The following SLC34A3 variants were observed in gnomAD, a reference collection of about 807,000 sequenced individuals.
SLC34A3 encodes sodium-dependent phosphate transport protein 2C.
A neutral mutation model predicts 43.9 loss-of-function variants in SLC34A3; 60 were observed. That is an observed-to-expected ratio of 1.37 (90% CI 1.11 to 1.70). The LOEUF (loss-of-function observed/expected upper bound fraction) is 1.70. Ranked by LOEUF, SLC34A3 falls within the 40% of genes most tolerant of loss-of-function variation. SLC34A3 has a pLI of 0.00. For missense variants in SLC34A3, 969 were observed against 823.8 expected (o/e 1.18, Z -2.16); for synonymous variants, 451 against 386.2 (o/e 1.17, Z -1.97).
chr9:137,232,329 C>T (rs968244898), intron 3 of SLC34A3, among the ~76,000 whole-genome samples, 168 bp downstream of exon 3: 1 of 152,230 alleles, frequency 6.6e-6, no homozygotes, highest in African/African-American at 2.4e-5. Context: ...TCTGTGCTGT[C>T]CTGGGGCAGA....
intron 7 of SLC34A3, 59 bp from the exon 8 acceptor site, chr9:137,233,574 G>C: frequency 6.3e-7 from 1 of 1,584,114 alleles, no homozygotes; most frequent in Non-Finnish European, 8.7e-7. Flanking sequence ...GGGCGCCAGA[G>C]CCCCGGGTGA....
rs764540658 is a variant in SLC34A3, at chr9:137,233,400, T to C, written c.752T>C (p.Val251Ala). 1.9e-6 allele frequency: 3 copies of C among 1,603,330 alleles called. No individual in the cohort carries two copies. The South Asian group carries it at 3.3e-5, about 18-fold the overall frequency. ...VLTKPLTHLIVQLDSDMIMSS... is the reference protein window; with the variant it reads ...VLTKPLTHLIAQLDSDMIMSS... ...ACGAAGCCGCTCACACACCTCATCGTGCAGGTGAGGACGGCCACCGCCCCC... is the reference window on the plus strand; with the variant it reads ...ACGAAGCCGCTCACACACCTCATCGCGCAGGTGAGGACGGCCACCGCCCCC... Residue 251 changes from valine (V) to alanine (A), a missense_variant, in exon 7 of 13, where the codon GTG (valine) becomes GCG (alanine). By Grantham distance (64) the Val-to-Ala change is moderately conservative. Coordinates refer to ENST00000673835, the MANE Select transcript of SLC34A3 (RefSeq NM_001177316.2).
chr9:137,232,962 G>C (rs576904313), intron 5 of SLC34A3, 35 bp downstream of exon 5: 6 of 1,606,730 alleles, frequency 3.7e-6, no homozygotes, highest in East Asian at 2.2e-5. Flanking sequence ...TGGTGGGGGG[G>C]GCAGGGTGGG....
chr9:137,234,345 C>A lies in SLC34A3; in HGVS notation c.1093+69C>A. 6.2e-7 allele frequency: 1 copy of A among 1,601,068 alleles called. No individual in the cohort carries two copies. The highest frequency in any genetic ancestry group is 8.5e-7 in the Non-Finnish European group (1 of 1,178,418). On this transcript the variant is annotated intron_variant, in intron 10 of 12. Transcript: ENST00000673835. This position sits in a 1 kb window ranked among gnomAD's most constrained non-coding sequence, Gnocchi z 6.9. ...ATCCCCCATAGACTTCCCCTTCCCACCAGGCTGACTCGGGGGCTACCTGGC... is the reference window on the plus strand; with the variant it reads ...ATCCCCCATAGACTTCCCCTTCCCAACAGGCTGACTCGGGGGCTACCTGGC...
intron 1 of SLC34A3, 44 bp from the exon 2 acceptor site, chr9:137,231,620 G>A (rs560270788): frequency 2.4e-5 from 29 of 1,226,786 alleles, no homozygotes; most frequent in Non-Finnish European, 2.5e-5. Flanking sequence ...GGACAGGGCC[G>A]GGGCAGGAGG....
intron 8 of SLC34A3, 57 bp downstream of exon 8, chr9:137,233,779 T>TTGGGGGGGCC: frequency 6.9e-7 from 1 of 1,445,820 alleles, no homozygotes; most frequent in Non-Finnish European, 9.6e-7. Context: ...TGCTGAGTCA[T>TTGGGGGGGCC]CCCGCCCCAC....
At position 137,234,083 on chromosome 9, in the gene SLC34A3, C is replaced by T. The variant is rs1487330747; in HGVS notation, c.926-26C>T. The T allele has an allele frequency of 2.7e-5, 42 of 1,530,848 alleles. No homozygotes were observed. The highest frequency in any genetic ancestry group is 5.8e-5 in the Admixed American group (3 of 51,912). 94.8% of individuals were successfully genotyped at this position (1,530,848 alleles called of 1,614,324 possible). Reference sequence around the variant, plus strand: ...CCCCGGCCCACCCCCCAGGCTCCCCCTCACCTGCCCCTGCCCTGCCCCCAG... The same window carrying T: ...CCCCGGCCCACCCCCCAGGCTCCCCTTCACCTGCCCCTGCCCTGCCCCCAG... On this transcript the variant is annotated intron_variant, in intron 9 of 12. Coordinates refer to ENST00000673835, the MANE Select transcript of SLC34A3 (RefSeq NM_001177316.2). The surrounding 1 kb of genome is among the most constrained non-coding windows in gnomAD (Gnocchi z 6.9).
rs1280076391 is a variant in SLC34A3, at chr9:137,233,095, G to A, written c.540G>A (p.Gly180=). Residue 180 remains glycine (G), a synonymous_variant, in exon 6 of 13, where the codon GGG becomes GGA. Transcript: ENST00000673835. ...TSTLVSMAQS[G]DRDEFQRAFS... ...CCCTGGTCTCAATGGCGCAGTCAGG[G>A]GACCGGGATGAATTTCAGAGGTGAG... The A allele has an allele frequency of 3.1e-6, 5 of 1,610,906 alleles. No homozygotes were observed. Among genetic ancestry groups the A allele is most frequent in the South Asian group, 1.1e-5 (1 of 90,964 alleles).
intron 4 of SLC34A3, 40 bp from the exon 5 acceptor site, chr9:137,232,744 A>T: frequency 6.2e-7 from 1 of 1,612,934 alleles, no homozygotes; most frequent in African/African-American, 1.3e-5. Flanking sequence ...GCGGGCAACC[A>T]GCCCTCCGCA....
intron 3 of SLC34A3, 67 bp from the exon 4 acceptor site, chr9:137,232,508 A>G: frequency 6.3e-7 from 1 of 1,597,478 alleles, no homozygotes; most frequent in Non-Finnish European, 8.5e-7. Flanking sequence ...GCAGAGAATG[A>G]GGGGCCTGGG....
Position 137,234,556 on chromosome 9 carries a change from C to T in SLC34A3, c.1210+24C>T, listed in dbSNP as rs967546654. The T allele has an allele frequency of 7.5e-6, 12 of 1,609,346 alleles. No individual in the cohort carries two copies. The highest frequency in any genetic ancestry group is 1.1e-5 in the South Asian group (1 of 91,020). On this transcript the variant is annotated intron_variant, in intron 11 of 12. Coordinates refer to ENST00000673835, the MANE Select transcript of SLC34A3 (RefSeq NM_001177316.2). This position sits in a 1 kb window ranked among gnomAD's most constrained non-coding sequence, Gnocchi z 6.9. ...GGGTGAGCAGGCAGGACAGAGGCCT[C>T]GGGAACGGGGGCTCGGGCTGGGGTC... is the stretch of plus-strand genomic sequence containing the variant.
chr9:137,236,171 G>C lies in SLC34A3; in HGVS notation c.1555G>C (p.Gly519Arg). ...GGGCATGGAGCTGGCCGCTGTCGGG[G>C]GTCCCCTGGTGGGGCTGGTGCTCCT... Reference protein sequence around the residue: ...AGGMELAAVGGPLVGLVLLVI... With the variant: ...AGGMELAAVGRPLVGLVLLVI... Residue 519 changes from glycine (G) to arginine (R), a missense_variant, in exon 13 of 13, where the codon GGT (glycine) becomes CGT (arginine). Transcript: ENST00000673835. 6.2e-7 allele frequency: 1 copy of C among 1,606,958 alleles called. No individual in the cohort carries two copies. Among genetic ancestry groups the C allele is most frequent in the East Asian group, 2.2e-5 (1 of 44,690 alleles).
chr9:137,232,577 C>A lies in SLC34A3; in HGVS notation c.178C>A (p.Leu60Ile). ...LKDTSQPWKE[L>I]RVAGRLRRVA... The stretch of plus-strand genomic sequence containing the variant: ...GACAGCCTGCCCTGTGTCCTCAGAG[C>A]TCCGCGTGGCCGGCAGGCTGCGCCG... Residue 60 changes from leucine to isoleucine, a missense_variant and splice_region_variant, in exon 4 of 13, where the codon CTC becomes ATC. Physicochemically the swap from Leu to Ile is conservative, Grantham distance 5. Transcript: ENST00000673835. 1 of 1,611,654 alleles carries A rather than the reference C, an allele frequency of 6.2e-7. No individual in the cohort carries two copies. Among genetic ancestry groups the A allele is most frequent in the South Asian group, 1.1e-5 (1 of 91,042 alleles).
chr9:137,234,688 C>T lies in SLC34A3; in HGVS notation c.1292C>T (p.Ala431Val). ...GGCACCACTACCACAGCCCTGCTGG[C>T]TGCCCTGGCCAGCCCCGCAGACAGG... ...NIGTTTTALL[A>V]ALASPADRML... is the part of the protein sequence containing the mutation. The change falls in exon 12 of 13, where the codon GCT becomes GTT. Residue 431 changes from alanine to valine, a missense_variant. Transcript: ENST00000673835. The surrounding 1 kb of genome is among the most constrained non-coding windows in gnomAD (Gnocchi z 6.9). The T allele has an allele frequency of 6.2e-7, 1 of 1,612,038 alleles. No homozygotes were observed. Among genetic ancestry groups the T allele is most frequent in the Middle Eastern group, 1.6e-4 (1 of 6,062 alleles).
At position 137,234,763 on chromosome 9, in the gene SLC34A3, G is replaced by A; in HGVS notation, c.1335+32G>A. 1.2e-6 allele frequency: 2 copies of A among 1,602,174 alleles called. No individual in the cohort carries two copies. The highest frequency in any genetic ancestry group is 1.7e-6 in the Non-Finnish European group (2 of 1,179,716). On this transcript the variant is annotated intron_variant, in intron 12 of 12. Coordinates refer to ENST00000673835, the MANE Select transcript of SLC34A3 (RefSeq NM_001177316.2). The surrounding 1 kb of genome is among the most constrained non-coding windows in gnomAD (Gnocchi z 6.9). ...TCCACCCTGCCCCGCTGCCAGAACT[G>A]GCCAGCTTCCTCTCAGCCCCACAGA...
At position 137,234,330 on chromosome 9, in the gene SLC34A3, G is replaced by A. The variant is rs899611363; in HGVS notation, c.1093+54G>A. On this transcript the variant is annotated intron_variant, in intron 10 of 12. Coordinates refer to ENST00000673835, the MANE Select transcript of SLC34A3 (RefSeq NM_001177316.2). The surrounding 1 kb of genome is among the most constrained non-coding windows in gnomAD (Gnocchi z 6.9). ...CAGGGCTGACCCAGCATCCCCCATA[G>A]ACTTCCCCTTCCCACCAGGCTGACT... 3.7e-6 allele frequency: 6 copies of A among 1,603,726 alleles called. No individual in the cohort carries two copies. In the Admixed American group the frequency reaches 5.0e-5, roughly 13 times the overall value.
chr9:137,234,608 G>A lies in SLC34A3; in HGVS notation c.1212G>A (p.Gly404=), dbSNP rs764269161. ...TGTGGTGACTCCCAGTTCCCCCAGG[G>A]GTCGGGGTGATCAGTCTGGACCGGG... ...VFTAAVVPLM[G]VGVISLDRAY... Residue 404 remains glycine (G), a splice_region_variant and synonymous_variant, in exon 12 of 13, where the codon GGG becomes GGA. Transcript: ENST00000673835. This position sits in a 1 kb window ranked among gnomAD's most constrained non-coding sequence, Gnocchi z 6.9. 1.6e-5 allele frequency: 26 copies of A among 1,612,276 alleles called. No individual in the cohort carries two copies. The Admixed American group carries it at 4.2e-4, about 26-fold the overall frequency.
intron 3 of SLC34A3, 75 bp downstream of exon 3, chr9:137,232,236 T>C: frequency 1.4e-6 from 2 of 1,410,838 alleles, no homozygotes; most frequent in South Asian, 2.3e-5. Flanking sequence ...CAGAGCAGGG[T>C]GGGGCCTGCC....
In SLC34A3 at chr9:137,234,830, C is replaced by T. The variant is rs2131418980; in HGVS notation, c.1335+99C>T. 2 of 1,556,036 alleles carry T rather than the reference C, an allele frequency of 1.3e-6. No homozygotes were observed. Among genetic ancestry groups the T allele is most frequent in the Non-Finnish European group, 1.7e-6 (2 of 1,147,100 alleles). ...GCCCCGGGGCCCTAGGCTGGCTGTG[C>T]CCCCGCCTTCCTGGACCCCTTCCCT... On this transcript the variant is annotated intron_variant, in intron 12 of 12. Coordinates refer to ENST00000673835, the MANE Select transcript of SLC34A3 (RefSeq NM_001177316.2). This position sits in a 1 kb window ranked among gnomAD's most constrained non-coding sequence, Gnocchi z 6.9.
Sources: allele counts gnomAD v4.1 joint callset (sites outside exome capture counted in the v4.1 genomes callset), GRCh38; gene constraint gnomAD v4.1.1; non-coding constraint Gnocchi (gnomAD v3.1); transcripts MANE v1.5; gene names NCBI Gene and HGNC (gene_info 2026-07-23, HGNC 2026-07-21).